The following CERS6 variants were observed in gnomAD, a reference collection of about 807,000 sequenced individuals.
CERS6 encodes the protein LAG1 homolog, ceramide synthase 6.
In CERS6, 26 loss-of-function variants were observed where a neutral mutation model predicts 56.8. The observed-to-expected ratio is 0.46, with a 90% CI of 0.34 to 0.63. The LOEUF (loss-of-function observed/expected upper bound fraction) is 0.63, where lower values mean the gene tolerates loss of function less well. CERS6 is among the 30% of genes least tolerant of loss of function. The pLI, the probability that CERS6 is intolerant of heterozygous loss-of-function variation, is 0.01. For missense variants in CERS6, 415 were observed against 467.5 expected (o/e 0.89, Z 1.04); for synonymous variants, 164 against 173.3 (o/e 0.95, Z 0.42).
At chr2:168,620,014 T>C (rs62175822) in intron 3 of CERS6, among the ~76,000 whole-genome samples, 25,943 of 60,964 alleles carry the variant, frequency 0.43, 3,993 homozygotes, top group Middle Eastern at 0.57. Context: ...CCACAATCCA[T>C]ACACACACAC....
intron 1 of CERS6, among the ~76,000 whole-genome samples, chr2:168,491,504 G>C (rs1364523207): frequency 6.6e-6 from 1 of 151,454 alleles, no homozygotes; most frequent in African/African-American, 2.4e-5. Flanking sequence ...TTTCAATAAT[G>C]AAAGTGATAA....
intron 1 of CERS6, among the ~76,000 whole-genome samples, chr2:168,520,391 C>A (rs566268610): frequency 6.6e-6 from 1 of 152,000 alleles, no homozygotes; most frequent in Non-Finnish European, 1.5e-5. Context: ...TCTGTTTACT[C>A]TATTGATAGT....
chr2:168,761,712 G>C (rs1684584781), intron 8 of CERS6, among the ~76,000 whole-genome samples: 1 of 152,160 alleles, frequency 6.6e-6, no homozygotes, highest in African/African-American at 2.4e-5. Flanking sequence ...GCTGGAGATA[G>C]AAAAGTGTAA....
rs756884255 is a variant in CERS6, at chr2:168,529,804, G to C, written c.171-17792G>C. On this transcript the variant is annotated intron_variant, in intron 1 of 9. Coordinates refer to ENST00000305747, the MANE Select transcript of CERS6 (RefSeq NM_203463.3). ...GGTTGACTGAGATCAAATGTGAAAG[G>C]ACTTGGTGAATTGTAAGGCACCTAG... Among the ~76,000 whole-genome samples, 34 of 152,168 alleles carry C rather than the reference G, an allele frequency of 2.2e-4. 1 individual carries two copies. The highest frequency in any genetic ancestry group is 8.8e-5 in the Non-Finnish European group (6 of 68,022).
intron 4 of CERS6, among the ~76,000 whole-genome samples, chr2:168,655,122 G>A (rs1054514526): frequency 3.3e-5 from 5 of 152,108 alleles, no homozygotes; most frequent in African/African-American, 9.7e-5. Context: ...ATGGCCAACC[G>A]ACATATGAGA....
chr2:168,464,430 G>A (rs1420792967), intron 1 of CERS6, among the ~76,000 whole-genome samples: 1 of 151,950 alleles, frequency 6.6e-6, no homozygotes, highest in Non-Finnish European at 1.5e-5. Flanking sequence ...CAAAGTGCTG[G>A]GATTAGAGGC....
Position 168,691,091 on chromosome 2 carries a change from A to G in CERS6, c.516+7A>G. ...GTACAACTACCCCTATCAGGTAAGG[A>G]GGCATTATTGTCTGGGTTTTTACAC... On this transcript the variant is annotated splice_region_variant and intron_variant, in intron 5 of 9. Coordinates refer to ENST00000305747, the MANE Select transcript of CERS6 (RefSeq NM_203463.3). 10 of 1,612,272 alleles carry G rather than the reference A, an allele frequency of 6.2e-6. No homozygotes were observed. The highest frequency in any genetic ancestry group is 8.5e-6 in the Non-Finnish European group (10 of 1,178,528).
chr2:168,672,319 T>C (rs1293797284), intron 4 of CERS6, among the ~76,000 whole-genome samples: 1 of 152,224 alleles, frequency 6.6e-6, no homozygotes, highest in East Asian at 1.9e-4. Flanking sequence ...CTGAAAAGTA[T>C]AGTATATATA....
intron 4 of CERS6, among the ~76,000 whole-genome samples, chr2:168,662,843 C>T (rs956481413): frequency 6.6e-6 from 1 of 152,260 alleles, no homozygotes; most frequent in African/African-American, 2.4e-5. Context: ...TTGCAGCTTC[C>T]TGCCAAACAT....
At chr2:168,744,651 A>G (rs1262498339) in intron 8 of CERS6, among the ~76,000 whole-genome samples, 2 of 152,212 alleles carry the variant, frequency 1.3e-5, no homozygotes, top group East Asian at 3.8e-4. Flanking sequence ...AATAAAGTGG[A>G]TAGAGGAGGA....
At chr2:168,479,473 A>G (rs935681470) in intron 1 of CERS6, among the ~76,000 whole-genome samples, 16 of 152,164 alleles carry the variant, frequency 1.1e-4, no homozygotes, top group African/African-American at 3.4e-4. Flanking sequence ...ATTTCTTTCT[A>G]TCTTTTGGGA....
intron 1 of CERS6, among the ~76,000 whole-genome samples, chr2:168,513,551 C>T (rs549769914): frequency 6.6e-6 from 1 of 152,274 alleles, no homozygotes; most frequent in Admixed American, 6.5e-5. Flanking sequence ...TGACTGGACT[C>T]AGATCATGGG....
intron 3 of CERS6, among the ~76,000 whole-genome samples, chr2:168,622,316 C>T (rs1840168): frequency 0.32 from 47,977 of 152,056 alleles, 8,341 homozygotes; most frequent in South Asian, 0.48. Context: ...CAAATTTATG[C>T]TGGGCCGCAT....
chr2:168,757,357 G>GA (rs11332737), intron 8 of CERS6, among the ~76,000 whole-genome samples: 5,209 of 113,036 alleles, frequency 0.046, 117 homozygotes, highest in African/African-American at 0.076. Flanking sequence ...ACTTTTGGAG[G>GA]AAAAAAAAAA....
intron 8 of CERS6, among the ~76,000 whole-genome samples, chr2:168,739,010 C>T (rs535059239): frequency 2.6e-5 from 4 of 151,220 alleles, no homozygotes; most frequent in Non-Finnish European, 5.9e-5. Flanking sequence ...CTCAGCCTCC[C>T]GAGTACCTGG....
chr2:168,609,555 T>C (rs1684134167), intron 3 of CERS6, among the ~76,000 whole-genome samples: 1 of 152,210 alleles, frequency 6.6e-6, no homozygotes, highest in African/African-American at 2.4e-5. Flanking sequence ...CCTCAGCTCC[T>C]ATGTCCATGA....
rs140075036 is a variant in CERS6, at chr2:168,530,733, A to G, written c.171-16863A>G. On this transcript the variant is annotated intron_variant, in intron 1 of 9. Transcript: ENST00000305747. The stretch of plus-strand genomic sequence containing the variant: ...TGTAGCAAGGAGCGGCAGTTTTGAC[A>G]TTTCTCACATTACCTTGGACTTTCC... Among the ~76,000 whole-genome samples the G allele has an allele frequency of 2.9e-3, 449 of 152,256 alleles. 2 individuals carry two copies. The highest frequency in any genetic ancestry group is 8.9e-3 in the African/African-American group (370 of 41,532).
chr2:168,579,188 T>C (rs952419314), intron 3 of CERS6, among the ~76,000 whole-genome samples: 1 of 152,178 alleles, frequency 6.6e-6, no homozygotes, highest in African/African-American at 2.4e-5. Flanking sequence ...GGGAAAGTTG[T>C]AAAAATTATT....
In CERS6 at chr2:168,674,413, C is replaced by T. The variant is rs75891435; in HGVS notation, c.466-16621C>T. 0.017 allele frequency among the ~76,000 whole-genome samples: 2,577 copies of T among 152,236 alleles called. 140 individuals are homozygous for T. The East Asian group carries it at 0.2, about 12-fold the overall frequency. ...GCTAACCTTAACAAAAAGAGTCTTC[C>T]CACACTCAACTTGATTTGACTGGTT... On this transcript the variant is annotated intron_variant, in intron 4 of 9. Coordinates refer to ENST00000305747, the MANE Select transcript of CERS6 (RefSeq NM_203463.3).
Sources: allele counts gnomAD v4.1 joint callset (sites outside exome capture counted in the v4.1 genomes callset), GRCh38; gene constraint gnomAD v4.1.1; transcripts MANE v1.5; gene names NCBI Gene and HGNC (gene_info 2026-07-23, HGNC 2026-07-21).